Variants in HMGCLL1 observed in about 807,000 individuals in gnomAD.
The protein encoded by HMGCLL1 is 3-hydroxymethyl-3-methylglutaryl-CoA lyase, cytoplasmic.
HMGCLL1 carries 36 observed loss-of-function variants against 39.1 expected under a neutral mutation model. That is an observed-to-expected ratio of 0.92 (90% confidence interval 0.71 to 1.22). The LOEUF (loss-of-function observed/expected upper bound fraction) is 1.22. HMGCLL1 is among the 50% of genes most tolerant of loss of function. The probability of loss-of-function intolerance (pLI) is 0.00; values close to 1 mark genes in which losing one functional copy is unlikely to be tolerated. For synonymous variants in HMGCLL1, 149 were observed against 144.0 expected, an observed-to-expected ratio of 1.03 and a Z score of -0.25; for missense variants, 451 against 416.5, an observed-to-expected ratio of 1.08 and a Z score of -0.72.
At chr6:55,656,222 G>T in the HMGCLL1 span, among the ~76,000 whole-genome samples, 1 of 151,818 alleles carries the variant, frequency 6.6e-6, no homozygotes, top group Non-Finnish European at 1.5e-5. Context: ...TCACAAGTCA[G>T]AAATCTAGAT....
chr6:55,583,567 T>G (rs539257375), upstream of HMGCLL1, among the ~76,000 whole-genome samples: 8 of 152,164 alleles, frequency 5.3e-5, no homozygotes, highest in Non-Finnish European at 1.0e-4. Flanking sequence ...GGTGTATATG[T>G]GCCACATTTT....
Position 55,499,207 on chromosome 6 carries a change from A to G in HMGCLL1, c.606+29T>C, listed in dbSNP as rs530498181. The G allele has an allele frequency of 3.2e-6, 5 of 1,575,600 alleles. No homozygotes were observed. In the African/African-American group the frequency reaches 4.1e-5, roughly 13 times the overall value. ...AAAATAATATATATCATGTTACCATAAACCAAAAAAGCTGAAGATGTAGCT... is the reference window on the plus strand; with the variant it reads ...AAAATAATATATATCATGTTACCATGAACCAAAAAAGCTGAAGATGTAGCT... On this transcript the variant is annotated intron_variant, in intron 6 of 8. Coordinates refer to ENST00000274901, the MANE Select transcript of HMGCLL1 (RefSeq NM_001042406.2).
chr6:55,591,347 T>C, the HMGCLL1 span, among the ~76,000 whole-genome samples: 1 of 151,976 alleles, frequency 6.6e-6, no homozygotes, highest in African/African-American at 2.4e-5. Flanking sequence ...TCAGCAGTGA[T>C]GTGTGTTCTG....
chr6:55,644,657 G>T, the HMGCLL1 span, among the ~76,000 whole-genome samples: 1 of 152,026 alleles, frequency 6.6e-6, no homozygotes, highest in East Asian at 1.9e-4. Context: ...AAGAGGCTAT[G>T]TTTTCCCCAA....
intron 3 of HMGCLL1, among the ~76,000 whole-genome samples, chr6:55,532,185 C>A (rs900205857): frequency 2.0e-5 from 3 of 152,048 alleles, no homozygotes; most frequent in East Asian, 3.9e-4. Context: ...TGTAATTGAG[C>A]AAATTAATTA....
At chr6:55,514,334 C>G (rs1052556703) in intron 4 of HMGCLL1, 138 bp from the exon 5 acceptor site, 1 of 592,056 alleles carries the variant, frequency 1.7e-6, no homozygotes, top group African/African-American at 1.9e-5. Context: ...TTGGATTCCT[C>G]TCATCTTGCC....
intron 1 of HMGCLL1, among the ~76,000 whole-genome samples, chr6:55,575,783 T>A (rs1398268079): frequency 6.6e-6 from 1 of 152,144 alleles, no homozygotes; most frequent in Non-Finnish European, 1.5e-5. Flanking sequence ...AAAACAGTAA[T>A]AATATTCATC....
chr6:55,437,771 GC>G, intron 8 of HMGCLL1, among the ~76,000 whole-genome samples: 1 of 152,112 alleles, frequency 6.6e-6, no homozygotes, highest in South Asian at 2.1e-4. Flanking sequence ...GATTTTAAAG[GC>G]AAGTCTGGAG....
chr6:55,485,347 T>C (rs1242971971), intron 7 of HMGCLL1, among the ~76,000 whole-genome samples: 1 of 151,908 alleles, frequency 6.6e-6, no homozygotes, highest in Non-Finnish European at 1.5e-5. Flanking sequence ...TCATCTGTAC[T>C]CCCCTGCCAG....
chr6:55,563,990 C>T (rs1771093722), intron 1 of HMGCLL1: 2 of 636,232 alleles, frequency 3.1e-6, no homozygotes, highest in Non-Finnish European at 5.1e-6. Flanking sequence ...TCAGCACGTG[C>T]AGTTTTTTGA....
the HMGCLL1 span, among the ~76,000 whole-genome samples, chr6:55,595,971 A>T: frequency 6.6e-6 from 1 of 152,176 alleles, no homozygotes; most frequent in Non-Finnish European, 1.5e-5. Flanking sequence ...GTCAATCTTC[A>T]ACATGGTATC....
At chr6:55,516,890 T>C (rs1318678260) in intron 3 of HMGCLL1, among the ~76,000 whole-genome samples, 5 of 152,064 alleles carry the variant, frequency 3.3e-5, no homozygotes, top group Non-Finnish European at 7.4e-5. Flanking sequence ...CTTTATTCCC[T>C]TCCTTTCATT....
the HMGCLL1 span, among the ~76,000 whole-genome samples, chr6:55,618,305 T>C: frequency 5.3e-5 from 8 of 151,894 alleles, no homozygotes; most frequent in Non-Finnish European, 1.0e-4. Flanking sequence ...TTTACTCTTC[T>C]GTATGTATGT....
rs1174666560 is a variant in HMGCLL1, at chr6:55,435,610, G to A, written c.*52C>T. The stretch of plus-strand genomic sequence containing the variant: ...GTTGGCATTAATGATTTTCAGATGA[G>A]TATTGTAGCTGAAATTGATCTTCTC... On this transcript the variant is annotated 3_prime_UTR_variant, in exon 9 of 9. Coordinates refer to ENST00000274901, the MANE Select transcript of HMGCLL1 (RefSeq NM_001042406.2). 2.0e-6 allele frequency: 2 copies of A among 988,212 alleles called. No individual in the cohort carries two copies. Among genetic ancestry groups the A allele is most frequent in the African/African-American group, 3.3e-5 (2 of 60,916 alleles). 61.2% of individuals were successfully genotyped at this position (988,212 alleles called of 1,614,324 possible).
chr6:55,633,752 T>C, the HMGCLL1 span, among the ~76,000 whole-genome samples: 1 of 152,026 alleles, frequency 6.6e-6, no homozygotes, highest in Admixed American at 6.6e-5. Flanking sequence ...ATCAGGAAGC[T>C]CTGTAGTGAC....
the HMGCLL1 span, among the ~76,000 whole-genome samples, chr6:55,677,115 G>A: frequency 4.6e-5 from 7 of 152,230 alleles, no homozygotes; most frequent in South Asian, 1.2e-3. Flanking sequence ...AAATACTTCC[G>A]GCTGGGCACA....
the HMGCLL1 span, among the ~76,000 whole-genome samples, chr6:55,590,247 C>T: frequency 1.3e-5 from 2 of 152,010 alleles, no homozygotes; most frequent in South Asian, 4.1e-4. Flanking sequence ...GAAATAATGC[C>T]ACACATCTAC....
chr6:55,605,633 C>T, the HMGCLL1 span, among the ~76,000 whole-genome samples: 44 of 152,144 alleles, frequency 2.9e-4, no homozygotes, highest in African/African-American at 1.0e-3. Flanking sequence ...TATTGATTTA[C>T]ATATCTTGAT....
intron 3 of HMGCLL1, among the ~76,000 whole-genome samples, chr6:55,518,689 C>T (rs191800872): frequency 6.6e-6 from 1 of 152,134 alleles, no homozygotes; most frequent in Non-Finnish European, 1.5e-5. Context: ...CATAAGGAGA[C>T]CCTCTTGGAG....
Sources: allele counts gnomAD v4.1 joint callset (sites outside exome capture counted in the v4.1 genomes callset), GRCh38; gene constraint gnomAD v4.1.1; transcripts MANE v1.5; gene names NCBI Gene and HGNC (gene_info 2026-07-23, HGNC 2026-07-21).